KYNU: variants seen among roughly 807,000 people sequenced by gnomAD.
The protein encoded by KYNU is L-kynurenine hydrolase.
Under a neutral mutation model 59.2 loss-of-function variants are expected in KYNU, and 54 were observed. The ratio of observed to expected loss-of-function variants is 0.91; its 90% confidence interval spans 0.73 to 1.14. The LOEUF is 1.14. Among genes scored for constraint, KYNU ranks in the 50% most tolerant of loss-of-function variants. The pLI is 0.00. For synonymous variants in KYNU, 177 were observed against 192.0 expected, an observed-to-expected ratio of 0.92 and a Z score of 0.65; for missense variants, 567 against 554.4, an observed-to-expected ratio of 1.02 and a Z score of -0.23.
intron 4 of KYNU, among the ~76,000 whole-genome samples, chr2:142,941,263 A>G (rs1326991789): frequency 6.6e-6 from 1 of 152,212 alleles, no homozygotes; most frequent in East Asian, 1.9e-4. Flanking sequence ...TGAATAACAA[A>G]AAATACTTTT....
chr2:143,022,091 T>C (rs577585253), intron 10 of KYNU, among the ~76,000 whole-genome samples: 1 of 152,294 alleles, frequency 6.6e-6, no homozygotes, highest in South Asian at 2.1e-4. Flanking sequence ...ATTTACATCT[T>C]CTTTCCTATT....
intron 10 of KYNU, 73 bp downstream of exon 10, chr2:142,986,094 T>C (rs1352733009): frequency 9.6e-7 from 1 of 1,038,996 alleles, no homozygotes; most frequent in African/African-American, 1.6e-5. Context: ...TAAATTTACA[T>C]GAGTTCCTTA....
rs1220033404 is a variant in KYNU, at chr2:143,040,641, G to A, written c.1255G>A (p.Glu419Lys). ...AAACAAAGATGTTTTCCAAGAACTA[G>A]AAAAAAGAGGAGTGGTTGTAAGTAT... ...VPNKDVFQEL[E>K]KRGVVCDKRN... Residue 419 changes from glutamate to lysine, a missense_variant, in exon 13 of 14, where the codon GAA becomes AAA. Physicochemically the swap from Glu to Lys is moderately conservative, Grantham distance 56. Transcript: ENST00000264170. The A allele has an allele frequency of 4.4e-6, 7 of 1,599,248 alleles. No homozygotes were observed. In the Admixed American group the frequency reaches 7.0e-5, roughly 16 times the overall value.
chr2:143,030,474 G>T (rs532226696), intron 11 of KYNU, among the ~76,000 whole-genome samples: 1 of 152,140 alleles, frequency 6.6e-6, no homozygotes, highest in East Asian at 1.9e-4. Flanking sequence ...ATTTTTTATT[G>T]ACTTTATTTT....
intron 8 of KYNU, among the ~76,000 whole-genome samples, chr2:142,977,018 G>T (rs1157982838): frequency 6.6e-6 from 1 of 152,092 alleles, no homozygotes; most frequent in African/African-American, 2.4e-5. Context: ...GTTTTATCAC[G>T]CAGATGAAGC....
Position 142,929,007 on chromosome 2 carries a change from C to CAAAA in KYNU, c.373+1281_373+1284dup, listed in dbSNP as rs761809423. On this transcript the variant is annotated intron_variant, in intron 4 of 13. Transcript: ENST00000264170. ...TGGACGACAGGGTGACACCCTGTCTCAAAAAAAAAAAAAAAAAACAAAAAA... is the reference window on the plus strand; with the variant it reads ...TGGACGACAGGGTGACACCCTGTCTCAAAAAAAAAAAAAAAAAAAAAACAAAAAA... Among the ~76,000 whole-genome samples, 220 of 48,244 alleles carry CAAAA rather than the reference C, an allele frequency of 4.6e-3. 4 individuals are homozygous for CAAAA. Among genetic ancestry groups the CAAAA allele is most frequent in the Non-Finnish European group, 5.6e-3 (162 of 28,868 alleles). The allele number at this position is 48,244 out of a possible 152,430, so 31.6% of individuals were successfully genotyped here.
At chr2:143,029,903 T>C (rs996155574) in intron 11 of KYNU, among the ~76,000 whole-genome samples, 4 of 152,006 alleles carry the variant, frequency 2.6e-5, no homozygotes. Context: ...TAAAAGAAAA[T>C]GAAGTCCAAG....
intron 2 of KYNU, among the ~76,000 whole-genome samples, chr2:142,889,259 T>A (rs1681621095): frequency 1.3e-5 from 2 of 152,160 alleles, no homozygotes; most frequent in African/African-American, 2.4e-5. Flanking sequence ...TAGATGTGAC[T>A]AAATAGAATT....
At chr2:142,979,090 C>T (rs1438884286) in intron 8 of KYNU, among the ~76,000 whole-genome samples, 2 of 152,088 alleles carry the variant, frequency 1.3e-5, no homozygotes, top group African/African-American at 2.4e-5. Context: ...CATATTATTT[C>T]ACTAATTAGA....
chr2:143,003,060 C>T (rs946836033), intron 10 of KYNU, among the ~76,000 whole-genome samples: 7 of 152,202 alleles, frequency 4.6e-5, no homozygotes, highest in East Asian at 3.9e-4. Flanking sequence ...CAATAAGTTC[C>T]CCTCAGTACT....
At chr2:142,931,471 A>G (rs945795664) in intron 4 of KYNU, among the ~76,000 whole-genome samples, 9 of 152,182 alleles carry the variant, frequency 5.9e-5, no homozygotes, top group African/African-American at 2.2e-4. Context: ...GAGGACAAGG[A>G]GGTGTCAACA....
chr2:143,014,842 TA>T (rs1208858171), intron 10 of KYNU, among the ~76,000 whole-genome samples: 1 of 152,192 alleles, frequency 6.6e-6, no homozygotes, highest in Non-Finnish European at 1.5e-5. Flanking sequence ...AGATTTAATA[TA>T]ACATAGAAAA....
At chr2:142,910,255 GC>G (rs1471470890) in intron 2 of KYNU, among the ~76,000 whole-genome samples, 1 of 148,068 alleles carries the variant, frequency 6.8e-6, no homozygotes. Flanking sequence ...TCTTGCCTCA[GC>G]CTCCCAAGTA....
intron 2 of KYNU, among the ~76,000 whole-genome samples, chr2:142,902,636 G>C (rs188807732): frequency 6.6e-6 from 1 of 152,288 alleles, no homozygotes; most frequent in East Asian, 1.9e-4. Flanking sequence ...TTAACCTGCT[G>C]TAAGCAGAGC....
intron 8 of KYNU, among the ~76,000 whole-genome samples, chr2:142,966,512 G>A (rs1364298594): frequency 6.6e-6 from 1 of 152,172 alleles, no homozygotes; most frequent in Admixed American, 6.6e-5. Context: ...AAGAACAGCT[G>A]TTAGTTTTGC....
chr2:142,953,359 G>C (rs1684055674), intron 4 of KYNU, among the ~76,000 whole-genome samples: 2 of 152,222 alleles, frequency 1.3e-5, no homozygotes, highest in Admixed American at 6.5e-5. Context: ...GGTAGCAGCA[G>C]TTAAAATAGA....
At chr2:142,904,362 C>T (rs113029995) in intron 2 of KYNU, among the ~76,000 whole-genome samples, 2,708 of 152,288 alleles carry the variant, frequency 0.018, 66 homozygotes, top group African/African-American at 0.063. Context: ...TGAGGGTCTA[C>T]ACTGGGAACT....
chr2:142,968,742 C>T (rs1011619318), intron 8 of KYNU, among the ~76,000 whole-genome samples: 18 of 151,928 alleles, frequency 1.2e-4, no homozygotes, highest in African/African-American at 3.9e-4. Flanking sequence ...GTTGAAACAT[C>T]GCCTATATAA....
At position 142,960,596 on chromosome 2, in the gene KYNU, G is replaced by C. The variant is rs16858406; in HGVS notation, c.583-28G>C. ...ATTACAAATTTATTATTATCGATAT[G>C]ACCTAACTTGTGCCTAACTTGATTT... On this transcript the variant is annotated intron_variant, in intron 7 of 13. Coordinates refer to ENST00000264170, the MANE Select transcript of KYNU (RefSeq NM_003937.3). The C allele has an allele frequency of 1.4e-3, 2,235 of 1,599,716 alleles. 24 individuals carry two copies. The African/African-American group carries it at 0.017, about 13-fold the overall frequency.
Sources: gnomAD v4.1 joint callset for allele counts (sites outside exome capture counted in the v4.1 genomes callset) on GRCh38, gnomAD v4.1.1 for gene constraint, MANE v1.5 for transcripts, NCBI Gene and HGNC (gene_info 2026-07-23, HGNC 2026-07-21) for gene names.